ABCA1: variants seen among roughly 807,000 people sequenced by gnomAD.
ABCA1 encodes the protein ATP binding cassette subfamily A member 1.
A neutral mutation model predicts 262.5 loss-of-function variants in ABCA1; 133 were observed. The observed-to-expected ratio is 0.51, with a 90% CI of 0.44 to 0.59. The LOEUF is 0.59. ABCA1 is among the 20% of genes least tolerant of loss of function. The pLI is 0.00. For synonymous variants in ABCA1, 1,022 were observed against 1,043.5 expected (o/e 0.98, Z 0.40); for missense variants, 2,452 against 2,777.5 (o/e 0.88, Z 2.63).
At chr9:104,868,476 G>A (rs941833066) in intron 5 of ABCA1, among the ~76,000 whole-genome samples, 4 of 152,204 alleles carry the variant, frequency 2.6e-5, no homozygotes, top group South Asian at 4.1e-4. Context: ...GTGTTCGCTC[G>A]GGTAACTGGA....
chr9:104,921,278 G>A (rs764015746), intron 1 of ABCA1, among the ~76,000 whole-genome samples: 13 of 152,126 alleles, frequency 8.5e-5, no homozygotes, highest in South Asian at 2.1e-4. Context: ...AGTTGGATTT[G>A]GCAGAGAAAA....
At chr9:104,857,800 G>T (rs1475626988) in intron 7 of ABCA1, among the ~76,000 whole-genome samples, 2 of 152,176 alleles carry the variant, frequency 1.3e-5, no homozygotes, top group African/African-American at 4.8e-5. Context: ...CTGGTGAGTA[G>T]AAAACCAGAA....
intron 1 of ABCA1, among the ~76,000 whole-genome samples, chr9:104,922,734 CGG>C (rs1842207765): frequency 1.3e-5 from 2 of 151,946 alleles, no homozygotes; most frequent in Admixed American, 6.6e-5. Context: ...TTTTTCAAGA[CGG>C]AGTCTCACTC....
At chr9:104,794,990 A>G (rs1829772624) in intron 39 of ABCA1, among the ~76,000 whole-genome samples, 1 of 152,202 alleles carries the variant, frequency 6.6e-6, no homozygotes, top group Non-Finnish European at 1.5e-5. Flanking sequence ...GCACTGTGCT[A>G]GGGCATGGGA....
chr9:104,913,948 T>C (rs573137636), intron 1 of ABCA1, among the ~76,000 whole-genome samples: 3,978 of 136,200 alleles, frequency 0.029, 81 homozygotes, highest in Non-Finnish European at 0.047. Context: ...GACAGCCGCC[T>C]GCCAACACGC....
intron 8 of ABCA1, among the ~76,000 whole-genome samples, chr9:104,841,965 C>CA (rs1163488338): frequency 1.3e-5 from 2 of 152,222 alleles, no homozygotes; most frequent in Non-Finnish European, 2.9e-5. Context: ...TGCGTGTTCA[C>CA]ACCGCCTGGG....
chr9:104,817,191 AC>A lies in ABCA1; in HGVS notation c.3535+140del. The A allele has an allele frequency of 1.3e-6, 2 of 1,557,342 alleles. No individual in the cohort carries two copies. Among genetic ancestry groups the A allele is most frequent in the Non-Finnish European group, 1.7e-6 (2 of 1,156,422 alleles). ...CAACCCGCCACCAAGCTGCTCCCAC[AC>A]CCGCAGCCACCCAGCCCCAGCCCAG... On this transcript the variant is annotated intron_variant, in intron 24 of 49. Transcript: ENST00000374736. The surrounding 1 kb of genome is among the most constrained non-coding windows in gnomAD (Gnocchi z 4.7).
intron 2 of ABCA1, among the ~76,000 whole-genome samples, chr9:104,898,244 T>G (rs1379912552): frequency 6.6e-6 from 1 of 152,090 alleles, no homozygotes; most frequent in Non-Finnish European, 1.5e-5. Context: ...GGAATCCTCT[T>G]GCACATAAAA....
chr9:104,792,101 G>T, intron 42 of ABCA1, 103 bp from the exon 43 acceptor site: 1 of 1,039,932 alleles, frequency 9.6e-7, no homozygotes, highest in Non-Finnish European at 1.5e-6. Flanking sequence ...TGCAACATAA[G>T]ACTTGTCAAT....
intron 31 of ABCA1, 143 bp downstream of exon 31, chr9:104,806,098 C>T: frequency 2.3e-6 from 2 of 856,170 alleles, no homozygotes; most frequent in South Asian, 3.5e-5. Flanking sequence ...GAGCAAGACT[C>T]CGCCTCAGAA....
At chr9:104,891,595 C>T (rs969294497) in intron 2 of ABCA1, among the ~76,000 whole-genome samples, 4 of 151,892 alleles carry the variant, frequency 2.6e-5, no homozygotes, top group African/African-American at 4.8e-5. Flanking sequence ...TGCATGATCA[C>T]GCCACTGCAT....
At chr9:104,846,675 T>C (rs945111715) in intron 7 of ABCA1, among the ~76,000 whole-genome samples, 2 of 152,216 alleles carry the variant, frequency 1.3e-5, no homozygotes, top group Admixed American at 1.3e-4. Context: ...TAAGAAAACC[T>C]GCCTAAAGGT....
intron 1 of ABCA1, among the ~76,000 whole-genome samples, chr9:104,909,965 C>T (rs962019488): frequency 6.6e-6 from 1 of 152,188 alleles, no homozygotes; most frequent in Non-Finnish European, 1.5e-5. Flanking sequence ...AAAGAAAGTG[C>T]ATGTATCTGT....
chr9:104,824,340 G>A lies in ABCA1; in HGVS notation c.2656+125C>T, dbSNP rs1186168413. ...GGATTTGGAAAGGGACACTGCATGTGATTTCTCTGCCCCTGGAGTGGTTTC... is the reference window on the plus strand; with the variant it reads ...GGATTTGGAAAGGGACACTGCATGTAATTTCTCTGCCCCTGGAGTGGTTTC... On this transcript the variant is annotated intron_variant, in intron 18 of 49. Coordinates refer to ENST00000374736, the MANE Select transcript of ABCA1 (RefSeq NM_005502.4). 8 of 1,538,840 alleles carry A rather than the reference G, an allele frequency of 5.2e-6. No homozygotes were observed. The Admixed American group carries it at 1.4e-4, about 26-fold the overall frequency.
At chr9:104,849,417 A>G (rs189185261) in intron 7 of ABCA1, among the ~76,000 whole-genome samples, 17 of 152,360 alleles carry the variant, frequency 1.1e-4, no homozygotes, top group Admixed American at 1.1e-3. Flanking sequence ...GGTCTCCAAC[A>G]GAAACATTGG....
intron 14 of ABCA1, among the ~76,000 whole-genome samples, chr9:104,829,547 G>A (rs373328139): frequency 6.2e-4 from 94 of 152,226 alleles, no homozygotes; most frequent in Admixed American, 1.4e-3. Context: ...TACATTTCAG[G>A]CAGCTCTTGT....
chr9:104,881,621 G>A (rs1838664719), intron 5 of ABCA1, among the ~76,000 whole-genome samples: 1 of 152,178 alleles, frequency 6.6e-6, no homozygotes, highest in Admixed American at 6.5e-5. Flanking sequence ...TGCAGCCACA[G>A]GGTAATGTAT....
chr9:104,906,710 C>T (rs1312275776), intron 1 of ABCA1, among the ~76,000 whole-genome samples: 3 of 147,256 alleles, frequency 2.0e-5, no homozygotes, highest in Admixed American at 6.8e-5. Context: ...GGGACATTTC[C>T]ACATCAGTTT....
intron 36 of ABCA1, chr9:104,799,435 C>CAT: frequency 2.1e-6 from 2 of 974,710 alleles, no homozygotes; most frequent in Non-Finnish European, 2.4e-6. Context: ...CACACACACA[C>CAT]AGCTTAATTT....
Sources: allele counts gnomAD v4.1 joint callset (sites outside exome capture counted in the v4.1 genomes callset), GRCh38; gene constraint gnomAD v4.1.1; non-coding constraint Gnocchi (gnomAD v3.1); transcripts MANE v1.5; gene names NCBI Gene and HGNC (gene_info 2026-07-23, HGNC 2026-07-21).